NADK: variants seen among roughly 807,000 people sequenced by gnomAD.
NADK encodes the protein poly(P)/ATP NAD kinase.
NADK carries 22 observed loss-of-function variants against 49.8 expected under a neutral mutation model. The observed-to-expected ratio is 0.44, with a 90% CI of 0.32 to 0.63. NADK has a LOEUF of 0.63. Ranked by LOEUF, NADK falls within the 30% of genes least tolerant of loss-of-function variation. NADK has a pLI of 0.06. For missense variants in NADK, 438 were observed against 609.4 expected (o/e 0.72, Z 2.96); for synonymous variants, 268 against 253.7 (o/e 1.06, Z -0.54).
In NADK at chr1:1,752,840, TGGTCTGTCCCCAGA is replaced by T; in HGVS notation, c.*50_*63del. On this transcript the variant is annotated 3_prime_UTR_variant, in exon 12 of 12. Transcript: ENST00000341426. Reference sequence around the variant, plus strand: ...CAGGCGGTCACAGACACACGCAGATTGGTCTGTCCCCAGAGGGCGCTTGGAGGGCAGCGGAAGGA... The same window carrying T: ...CAGGCGGTCACAGACACACGCAGATTGGGCGCTTGGAGGGCAGCGGAAGGA... 6.5e-7 allele frequency: 1 copy of T among 1,541,824 alleles called. No individual in the cohort carries two copies. The highest frequency in any genetic ancestry group is 8.8e-7 in the Non-Finnish European group (1 of 1,133,682).
chr1:1,768,878 G>C (rs953676944), intron 1 of NADK, among the ~76,000 whole-genome samples: 5 of 152,138 alleles, frequency 3.3e-5, no homozygotes, highest in Admixed American at 2.0e-4. Context: ...CAAGACTGTG[G>C]GCCCTATGCT....
chr1:1,768,755 C>T (rs1645960151), intron 1 of NADK, among the ~76,000 whole-genome samples: 1 of 152,178 alleles, frequency 6.6e-6, no homozygotes, highest in South Asian at 2.1e-4. Context: ...TTGTTGTTTA[C>T]CCGCCCCCTG....
At chr1:1,753,972 CG>C in intron 10 of NADK, 78 bp downstream of exon 10, 1 of 1,485,272 alleles carries the variant, frequency 6.7e-7, no homozygotes, top group Non-Finnish European at 9.0e-7. Flanking sequence ...CATGGCAGAG[CG>C]GGGTGCTAGG....
rs1156369788 is a variant in NADK, at chr1:1,754,320, G to A, written c.907C>T (p.Leu303=). 1.4e-5 allele frequency: 23 copies of A among 1,613,802 alleles called. No individual in the cohort carries two copies. The South Asian group carries it at 2.4e-4, about 17-fold the overall frequency. The change falls in exon 9 of 12, where the codon CTG becomes TTG. Residue 303 remains leucine, a synonymous_variant. Coordinates refer to ENST00000341426, the MANE Select transcript of NADK (RefSeq NM_023018.5). The surrounding 1 kb of genome is among the most constrained non-coding windows in gnomAD (Gnocchi z 4.3). The part of the protein sequence containing the change: ...SSYLSNVDVY[L]DGHLITTVQG... ...ACCGTGGTGATGAGGTGTCCGTCCA[G>A]GTAGACATCCACATTGGACAGGTAG...
At chr1:1,761,371 C>T (rs925008295) in intron 3 of NADK, among the ~76,000 whole-genome samples, 2 of 152,196 alleles carry the variant, frequency 1.3e-5, no homozygotes, top group Non-Finnish European at 2.9e-5. Context: ...AGTGATCTGC[C>T]TGCTTCGGAC....
chr1:1,756,787 G>T, intron 4 of NADK, 179 bp from the exon 5 acceptor site: 1 of 1,119,870 alleles, frequency 8.9e-7, no homozygotes, highest in South Asian at 1.2e-5. Flanking sequence ...ACCTTTAAGA[G>T]ATGACTGGGC....
intron 2 of NADK, among the ~76,000 whole-genome samples, chr1:1,762,520 C>T (rs1645756595): frequency 2.0e-5 from 3 of 152,176 alleles, no homozygotes; most frequent in African/African-American, 7.2e-5. Context: ...CTTCAGGAGG[C>T]TGAGGTGGGT....
At chr1:1,755,993 G>C in intron 6 of NADK, 1 of 565,586 alleles carries the variant, frequency 1.8e-6, no homozygotes, top group Non-Finnish European at 3.2e-6. Context: ...AGGCGAGGTC[G>C]TTTCCCAGGA....
chr1:1,774,968 G>A (rs1646169139), intron 1 of NADK, among the ~76,000 whole-genome samples: 1 of 152,082 alleles, frequency 6.6e-6, no homozygotes, highest in Non-Finnish European at 1.5e-5. Flanking sequence ...AATTAGCTGG[G>A]CGCGGTGGCA....
chr1:1,765,311 C>G lies in NADK; in HGVS notation c.96G>C (p.Trp32Cys). Reference sequence around the variant, plus strand: ...GGCCCCGGATGGGGTGGTTGTAACTCCAGGTCTCATCGCCGTGGCAGGCCG... The same window carrying G: ...GGCCCCGGATGGGGTGGTTGTAACTGCAGGTCTCATCGCCGTGGCAGGCCG... ...CCSACHGDET[W>C]SYNHPIRGRA... The change falls in exon 2 of 12, where the codon TGG (tryptophan) becomes TGC (cysteine). Residue 32 changes from tryptophan (W) to cysteine (C), a missense_variant. Coordinates refer to ENST00000341426, the MANE Select transcript of NADK (RefSeq NM_023018.5). 1 of 1,613,714 alleles carries G rather than the reference C, an allele frequency of 6.2e-7. No individual in the cohort carries two copies. The highest frequency in any genetic ancestry group is 8.5e-7 in the Non-Finnish European group (1 of 1,179,890).
chr1:1,756,383 C>T, intron 5 of NADK, 40 bp from the exon 6 acceptor site: 2 of 1,608,580 alleles, frequency 1.2e-6, no homozygotes, highest in East Asian at 2.2e-5. Flanking sequence ...GGCTGTCACA[C>T]AGTGGCCCCT....
intron 4 of NADK, 123 bp from the exon 5 acceptor site, chr1:1,756,731 A>C: frequency 2.0e-6 from 3 of 1,533,858 alleles, no homozygotes; most frequent in Non-Finnish European, 1.8e-6. Flanking sequence ...CCGCCCCCCC[A>C]CGCTCACGCT....
chr1:1,769,819 G>A (rs1645994533), intron 1 of NADK, among the ~76,000 whole-genome samples: 1 of 152,036 alleles, frequency 6.6e-6, no homozygotes, highest in Non-Finnish European at 1.5e-5. Flanking sequence ...GCTCACACCT[G>A]TAATCCCAGC....
chr1:1,769,031 C>G (rs1645967581), intron 1 of NADK, among the ~76,000 whole-genome samples: 1 of 152,222 alleles, frequency 6.6e-6, no homozygotes, highest in Admixed American at 6.5e-5. Flanking sequence ...AGGTACAGCC[C>G]AGGCACCGGC....
intron 3 of NADK, among the ~76,000 whole-genome samples, chr1:1,758,842 G>A (rs1254398331): frequency 2.0e-5 from 3 of 152,298 alleles, no homozygotes; most frequent in Non-Finnish European, 2.9e-5. Context: ...ACCTGGCCAA[G>A]TACCCAGCCT....
At position 1,753,631 on chromosome 1, in the gene NADK, C is replaced by A. The variant is rs901060505; in HGVS notation, c.1120G>T (p.Ala374Ser). ...AAGGACACCCATGCTGTGTTCCTTG[C>A]TTCAGGTGACAGCATGATCTGAGGG... ...VELKIMLSPEARNTAWVSFDG... is the reference protein window; with the variant it reads ...VELKIMLSPESRNTAWVSFDG... The change falls in exon 11 of 12, where the codon GCA becomes TCA. Residue 374 changes from alanine (A) to serine (S), a missense_variant. Ala to Ser is a moderately conservative substitution (Grantham distance 99). Transcript: ENST00000341426. The A allele has an allele frequency of 1.2e-6, 2 of 1,611,180 alleles. No individual in the cohort carries two copies. Among genetic ancestry groups the A allele is most frequent in the Non-Finnish European group, 1.7e-6 (2 of 1,178,448 alleles).
rs1645457278 is a variant in NADK at position 1,754,776 on chromosome 1, G to A, written c.689-78C>T. ...GGGGCCCCACCCCAGGGAGGCCAGT[G>A]GGAGTCAGAGGGCTCTTTCTTCTCC... On this transcript the variant is annotated intron_variant, in intron 7 of 11. Transcript: ENST00000341426. The surrounding 1 kb of genome is among the most constrained non-coding windows in gnomAD (Gnocchi z 4.3). The A allele has an allele frequency of 3.0e-6, 4 of 1,337,352 alleles. No homozygotes were observed. Among genetic ancestry groups the A allele is most frequent in the Middle Eastern group, 1.9e-4 (1 of 5,266 alleles). The allele number at this position is 1,337,352 out of a possible 1,614,324, so 82.8% of individuals were successfully genotyped here. A position where few individuals can be genotyped will look rare whatever the true frequency, so the allele number is the denominator to read the frequency against.
intron 3 of NADK, chr1:1,758,476 C>T (rs775241332): frequency 6.2e-6 from 10 of 1,612,308 alleles, no homozygotes; most frequent in Admixed American, 1.7e-5. Context: ...TGCTGGGAGC[C>T]GGCCAGTGTG....
chr1:1,758,594 G>T, intron 3 of NADK: 1 of 1,501,302 alleles, frequency 6.7e-7, no homozygotes. Flanking sequence ...AAAACTCAAA[G>T]CAAAACACAA....
Sources: gnomAD v4.1 joint callset for allele counts (sites outside exome capture counted in the v4.1 genomes callset) on GRCh38, gnomAD v4.1.1 for gene constraint, Gnocchi (gnomAD v3.1) non-coding constraint, MANE v1.5 for transcripts, NCBI Gene and HGNC (gene_info 2026-07-23, HGNC 2026-07-21) for gene names.